TSEN2: variants seen among roughly 807,000 people sequenced by gnomAD.
TSEN2 encodes the protein tRNA-splicing endonuclease subunit Sen2.
In TSEN2, 54 loss-of-function variants were observed where a neutral mutation model predicts 59.2. That is an observed-to-expected ratio of 0.91 (90% CI 0.73 to 1.14). The LOEUF is 1.14. Among genes scored for constraint, TSEN2 ranks in the 50% most tolerant of loss-of-function variants. The pLI, the probability that TSEN2 is intolerant of heterozygous loss-of-function variation, is 0.00. For synonymous variants in TSEN2, 195 were observed against 198.2 expected, an observed-to-expected ratio of 0.98 and a Z score of 0.14; for missense variants, 636 against 576.2, an observed-to-expected ratio of 1.10 and a Z score of -1.06.
intron 1 of TSEN2, among the ~76,000 whole-genome samples, chr3:12,485,142 G>A (rs1368832488): frequency 6.6e-6 from 1 of 152,192 alleles, no homozygotes; most frequent in African/African-American, 2.4e-5. Flanking sequence ...GCCTCCCTAA[G>A]CCCAGGAGGT....
At chr3:12,486,839 C>G (rs2052667476) in intron 1 of TSEN2, among the ~76,000 whole-genome samples, 1 of 152,136 alleles carries the variant, frequency 6.6e-6, no homozygotes, top group African/African-American at 2.4e-5. Context: ...TAGCATAATG[C>G]TTTCAGGTGT....
intron 1 of TSEN2, among the ~76,000 whole-genome samples, chr3:12,487,595 G>A (rs1474861507): frequency 6.6e-6 from 1 of 152,162 alleles, no homozygotes; most frequent in African/African-American, 2.4e-5. Context: ...AACCATTCCT[G>A]GAAGTCTTTC....
Position 12,532,744 on chromosome 3 carries a change from T to C in TSEN2, c.*23T>C, listed in dbSNP as rs2057544888. On this transcript the variant is annotated 3_prime_UTR_variant, in exon 12 of 12. Coordinates refer to ENST00000284995, the MANE Select transcript of TSEN2 (RefSeq NM_025265.4). ...TAACAATTCAACCTCAAATTTCTAA[T>C]TTCACCAACAACTATTTATTGAGGG... is the stretch of plus-strand genomic sequence containing the variant. 5 of 1,612,892 alleles carry C rather than the reference T, an allele frequency of 3.1e-6. No homozygotes were observed. Among genetic ancestry groups the C allele is most frequent in the Non-Finnish European group, 4.2e-6 (5 of 1,178,872 alleles).
downstream of TSEN2, among the ~76,000 whole-genome samples, chr3:12,534,955 G>C (rs1428228113): frequency 2.0e-5 from 3 of 152,168 alleles, no homozygotes; most frequent in Non-Finnish European, 4.4e-5. Context: ...TGGGGGCAGA[G>C]TGAGACTCCA....
At position 12,519,181 on chromosome 3, in the gene TSEN2, G is replaced by A. The variant is rs2056412723; in HGVS notation, c.1083G>A (p.Lys361=). 6.2e-7 allele frequency: 1 copy of A among 1,614,216 alleles called. No individual in the cohort carries two copies. The highest frequency in any genetic ancestry group is 1.7e-5 in the Admixed American group (1 of 60,022). The part of the protein sequence containing the change: ...SKGWVPKVGL[K]YGTDLLLYRK... The stretch of plus-strand genomic sequence containing the variant: ...GCTGGGTGCCCAAAGTGGGACTCAA[G>A]TACGGGACAGATTTACGTAAGTAAT... Residue 361 remains lysine (K), a synonymous_variant, in exon 8 of 12, where the codon AAG becomes AAA. Transcript: ENST00000284995.
At chr3:12,502,715 T>C (rs1390026426) in intron 4 of TSEN2, among the ~76,000 whole-genome samples, 1 of 130,416 alleles carries the variant, frequency 7.7e-6, no homozygotes, top group African/African-American at 2.9e-5. Flanking sequence ...ATAAAGCAAA[T>C]AAAATGAAAC....
At chr3:12,483,140 C>T (rs2052255582), upstream of TSEN2, among the ~76,000 whole-genome samples, 2 of 152,202 alleles carry the variant, frequency 1.3e-5, no homozygotes, top group Non-Finnish European at 2.9e-5. Context: ...CTTTGGGAGG[C>T]CGAGGCGGGA....
chr3:12,498,596 C>T (rs1486910549), intron 4 of TSEN2, among the ~76,000 whole-genome samples: 1 of 152,172 alleles, frequency 6.6e-6, no homozygotes, highest in Admixed American at 6.5e-5. Context: ...ATTGAATTTA[C>T]ATTAACATAA....
intron 6 of TSEN2, among the ~76,000 whole-genome samples, chr3:12,507,605 T>C (rs1053695113): frequency 2.0e-5 from 3 of 152,174 alleles, no homozygotes; most frequent in Non-Finnish European, 4.4e-5. Context: ...AAAATGCCCA[T>C]TGGGTACCTA....
upstream of TSEN2, among the ~76,000 whole-genome samples, chr3:12,480,823 C>T (rs1179107866): frequency 2.0e-5 from 3 of 152,046 alleles, no homozygotes; most frequent in Non-Finnish European, 4.4e-5. Flanking sequence ...CATAAGTCAC[C>T]GCGCCCGGCC....
intron 6 of TSEN2, among the ~76,000 whole-genome samples, chr3:12,509,200 TG>T (rs199508503): frequency 8.6e-6 from 1 of 115,960 alleles, no homozygotes; most frequent in South Asian, 2.2e-4. Flanking sequence ...TGGTTTTTTT[TG>T]TTGTTGTTTT....
intron 4 of TSEN2, among the ~76,000 whole-genome samples, chr3:12,496,982 TC>T (rs1233127862): frequency 6.6e-6 from 1 of 152,124 alleles, no homozygotes; most frequent in African/African-American, 2.4e-5. Flanking sequence ...GGAACGTTTC[TC>T]CCTGACTCCC....
chr3:12,490,791 G>A (rs1367545414), intron 2 of TSEN2, among the ~76,000 whole-genome samples: 2 of 152,152 alleles, frequency 1.3e-5, no homozygotes, highest in Non-Finnish European at 2.9e-5. Flanking sequence ...CCACGGAATG[G>A]CGTCTTGTCT....
At chr3:12,526,303 C>G (rs1478897844) in intron 8 of TSEN2, among the ~76,000 whole-genome samples, 3 of 152,206 alleles carry the variant, frequency 2.0e-5, no homozygotes, top group Non-Finnish European at 4.4e-5. Context: ...AACTTCCAGA[C>G]CTGCAGGCTG....
At chr3:12,514,237 T>G (rs1309662621) in intron 6 of TSEN2, among the ~76,000 whole-genome samples, 1 of 152,164 alleles carries the variant, frequency 6.6e-6, no homozygotes, top group Non-Finnish European at 1.5e-5. Flanking sequence ...GAGTAGTGAT[T>G]ACAGAGGCAA....
intron 6 of TSEN2, among the ~76,000 whole-genome samples, chr3:12,514,450 T>C (rs1283521613): frequency 6.6e-6 from 1 of 152,022 alleles, no homozygotes; most frequent in African/African-American, 2.4e-5. Context: ...CTGGATGCTA[T>C]GGAGAGTGGA....
At chr3:12,513,251 A>G (rs561127730) in intron 6 of TSEN2, among the ~76,000 whole-genome samples, 7 of 152,352 alleles carry the variant, frequency 4.6e-5, no homozygotes, top group South Asian at 2.1e-4. Context: ...ATTTTAGCAG[A>G]TATCAAGAAA....
In TSEN2 at chr3:12,497,659, A is replaced by G. The variant is rs569466573; in HGVS notation, c.308+1105A>G. On this transcript the variant is annotated intron_variant, in intron 4 of 11. Coordinates refer to ENST00000284995, the MANE Select transcript of TSEN2 (RefSeq NM_025265.4). ...CTGCATCCTGGCTAGGCTGGCCACA[A>G]CATGACATAAGGTCAAGCCAGCCTG... 2.6e-5 allele frequency among the ~76,000 whole-genome samples: 4 copies of G among 152,310 alleles called. No individual in the cohort carries two copies. In the East Asian group the frequency reaches 7.7e-4, roughly 29 times the overall value.
At chr3:12,524,460 C>T (rs1400272930) in intron 8 of TSEN2, among the ~76,000 whole-genome samples, 2 of 152,122 alleles carry the variant, frequency 1.3e-5, no homozygotes, top group Admixed American at 6.6e-5. Context: ...TCTTGTGGCC[C>T]CAGGCGTTTT....
Sources: allele counts gnomAD v4.1 joint callset (sites outside exome capture counted in the v4.1 genomes callset), GRCh38; gene constraint gnomAD v4.1.1; transcripts MANE v1.5; gene names NCBI Gene and HGNC (gene_info 2026-07-23, HGNC 2026-07-21).